DAB2IP: variants seen among roughly 807,000 people sequenced by gnomAD.
The protein encoded by DAB2IP is disabled homolog 2-interacting protein.
DAB2IP carries 28 observed loss-of-function variants against 107.2 expected under a neutral mutation model. The ratio of observed to expected loss-of-function variants is 0.26; its 90% confidence interval spans 0.19 to 0.36. The LOEUF (loss-of-function observed/expected upper bound fraction) is 0.36, where lower values mean the gene tolerates loss of function less well. DAB2IP is among the 10% of genes least tolerant of loss of function. The pLI is 1.00. For synonymous variants in DAB2IP, 755 were observed against 706.4 expected (o/e 1.07, Z -1.09); for missense variants, 1,400 against 1,644.7 (o/e 0.85, Z 2.57).
intron 1 of DAB2IP, among the ~76,000 whole-genome samples, chr9:121,590,093 G>C (rs945736632): frequency 2.0e-5 from 3 of 151,804 alleles, no homozygotes; most frequent in Non-Finnish European, 2.9e-5. Flanking sequence ...GGAAACAGCT[G>C]TTCTCCTGTT....
intron 3 of DAB2IP, among the ~76,000 whole-genome samples, chr9:121,717,306 C>G (rs546409806): frequency 2.6e-5 from 4 of 152,218 alleles, no homozygotes; most frequent in Admixed American, 2.6e-4. Flanking sequence ...CAGGTACAGA[C>G]AGGATGGCGG....
intron 1 of DAB2IP, 149 bp downstream of exon 1, chr9:121,652,048 A>C: frequency 1.4e-6 from 1 of 710,460 alleles, no homozygotes; most frequent in Non-Finnish European, 2.0e-6. Context: ...CGGACCCCCC[A>C]TTCCCCCAGC....
At chr9:121,636,536 T>A (rs1832093827) in intron 1 of DAB2IP, among the ~76,000 whole-genome samples, 1 of 151,968 alleles carries the variant, frequency 6.6e-6, no homozygotes, top group African/African-American at 2.4e-5. Flanking sequence ...TTCTCGCTGC[T>A]CTCCCCAGCT....
intron 1 of DAB2IP, among the ~76,000 whole-genome samples, chr9:121,642,333 C>A (rs143560087): frequency 6.6e-6 from 1 of 151,644 alleles, no homozygotes; most frequent in Non-Finnish European, 1.5e-5. Context: ...CTCTGCCTCC[C>A]GGGCTCAAGC....
chr9:121,710,658 A>G (rs1830297891), intron 3 of DAB2IP, among the ~76,000 whole-genome samples: 1 of 152,140 alleles, frequency 6.6e-6, no homozygotes, highest in Non-Finnish European at 1.5e-5. Flanking sequence ...CCCTTCCTCC[A>G]AGGTCAGAAG....
intron 1 of DAB2IP, among the ~76,000 whole-genome samples, chr9:121,587,715 A>C (rs950152361): frequency 2.6e-4 from 40 of 152,062 alleles, no homozygotes; most frequent in Admixed American, 3.3e-4. Flanking sequence ...GGGAGCCACC[A>C]GAGGTGGTTG....
intron 1 of DAB2IP, among the ~76,000 whole-genome samples, chr9:121,618,630 G>A (rs899522405): frequency 1.3e-5 from 2 of 152,218 alleles, no homozygotes; most frequent in African/African-American, 4.8e-5. Flanking sequence ...TTACAGGCAT[G>A]AGTCATTGTG....
chr9:121,602,232 C>T (rs1372417226), intron 1 of DAB2IP, among the ~76,000 whole-genome samples: 1 of 152,168 alleles, frequency 6.6e-6, no homozygotes, highest in Non-Finnish European at 1.5e-5. Context: ...TATGCTGTTC[C>T]ACCCACTGGT....
At chr9:121,770,146 C>T (rs750781892) in intron 10 of DAB2IP, among the ~76,000 whole-genome samples, 1 of 152,160 alleles carries the variant, frequency 6.6e-6, no homozygotes, top group Non-Finnish European at 1.5e-5. Context: ...GGGTCAGGCC[C>T]CAGCCCATCC....
At position 121,631,605 on chromosome 9, in the gene DAB2IP, C is replaced by G. The variant is rs572413843; in HGVS notation, c.41-47073C>G. On this transcript the variant is annotated intron_variant, in intron 1 of 16. Coordinates refer to the DAB2IP transcript ENST00000259371. ...GGCCGAGGCTGGCGGATAACAAGGT[C>G]AAGAGATCGAGACCATCCTGGCCCA... Among the ~76,000 whole-genome samples the G allele has an allele frequency of 4.6e-5, 7 of 152,114 alleles. No individual in the cohort carries two copies. The East Asian group carries it at 1.4e-3, about 29-fold the overall frequency.
chr9:121,655,660 TCA>T (rs1832941251), intron 1 of DAB2IP, among the ~76,000 whole-genome samples: 2 of 152,286 alleles, frequency 1.3e-5, no homozygotes, highest in South Asian at 4.1e-4. Context: ...TCATAGGGCC[TCA>T]GTTTCCCCAT....
intron 2 of DAB2IP, among the ~76,000 whole-genome samples, chr9:121,697,764 G>A (rs927925877): frequency 2.6e-5 from 4 of 152,272 alleles, no homozygotes; most frequent in Admixed American, 2.6e-4. Flanking sequence ...TGAAGGACAC[G>A]CAGAATCCCA....
At chr9:121,668,437 C>T (rs1589482751) in intron 1 of DAB2IP, among the ~76,000 whole-genome samples, 2 of 152,168 alleles carry the variant, frequency 1.3e-5, no homozygotes, top group East Asian at 1.9e-4. Context: ...GGTGGTCTCG[C>T]TGTGTTACCC....
At chr9:121,728,976 T>C (rs1188018580) in intron 3 of DAB2IP, among the ~76,000 whole-genome samples, 1 of 152,226 alleles carries the variant, frequency 6.6e-6, no homozygotes, top group East Asian at 1.9e-4. Flanking sequence ...TACATTATTG[T>C]AATCACCCAA....
intron 1 of DAB2IP, among the ~76,000 whole-genome samples, chr9:121,567,886 C>T (rs989401534): frequency 5.9e-5 from 9 of 152,304 alleles, no homozygotes; most frequent in South Asian, 4.1e-4. Flanking sequence ...TCCTGCACTA[C>T]TCAGCCTGGC....
intron 1 of DAB2IP, among the ~76,000 whole-genome samples, chr9:121,594,514 G>A (rs1457510749): frequency 6.6e-6 from 1 of 152,172 alleles, no homozygotes; most frequent in Non-Finnish European, 1.5e-5. Context: ...TGGGATTATA[G>A]GCCCCGAGCA....
At position 121,760,749 on chromosome 9, in the gene DAB2IP, G is replaced by T. The variant is rs1833826098; in HGVS notation, c.1170+310G>T. On this transcript the variant is annotated intron_variant, in intron 6 of 15. Transcript: ENST00000408936. This position sits in a 1 kb window ranked among gnomAD's most constrained non-coding sequence, Gnocchi z 5.9. ...GGACCGACCCCCTGAGGCGCCAGGGGAACAGGCTGGGTGGCCACGGCTCTC... is the reference window on the plus strand; with the variant it reads ...GGACCGACCCCCTGAGGCGCCAGGGTAACAGGCTGGGTGGCCACGGCTCTC... 6.6e-6 allele frequency among the ~76,000 whole-genome samples: 1 copy of T among 152,112 alleles called. No individual in the cohort carries two copies. Among genetic ancestry groups the T allele is most frequent in the African/African-American group, 2.4e-5 (1 of 41,430 alleles).
intron 2 of DAB2IP, among the ~76,000 whole-genome samples, chr9:121,681,394 C>G (rs1828596578): frequency 6.6e-6 from 1 of 152,172 alleles, no homozygotes; most frequent in African/African-American, 2.4e-5. Context: ...AGTGTTTTCC[C>G]TGTAGTGGTG....
intron 1 of DAB2IP, among the ~76,000 whole-genome samples, chr9:121,641,995 T>TTCTCTCTCTCTC (rs71370683): frequency 0.016 from 565 of 34,698 alleles, 14 homozygotes; most frequent in African/African-American, 0.016. Flanking sequence ...TTTCTTTCCT[T>TTCTCTCTCTCTC]TCTCTCTCTC....
Sources: allele counts gnomAD v4.1 joint callset (sites outside exome capture counted in the v4.1 genomes callset), GRCh38; gene constraint gnomAD v4.1.1; non-coding constraint Gnocchi (gnomAD v3.1); transcripts MANE v1.5; gene names NCBI Gene and HGNC (gene_info 2026-07-23, HGNC 2026-07-21).